FAT3: variants seen among roughly 807,000 people sequenced by gnomAD.
FAT3 encodes protocadherin Fat 3.
FAT3 carries 95 observed loss-of-function variants against 310.2 expected under a neutral mutation model. The observed-to-expected ratio is 0.31, with a 90% CI of 0.26 to 0.36. FAT3 has a LOEUF of 0.36. Ranked by LOEUF, FAT3 falls within the 10% of genes least tolerant of loss-of-function variation. The pLI, the probability that FAT3 is intolerant of heterozygous loss-of-function variation, is 1.00. For missense variants in FAT3, 5,408 were observed against 5,715.6 expected (o/e 0.95, Z 1.74); for synonymous variants, 2,314 against 2,192.9 (o/e 1.06, Z -1.54).
Position 92,355,029 on chromosome 11 carries a change from T to C in FAT3, c.2917T>C (p.Tyr973His). The change falls in exon 2 of 28, where the codon TAT (tyrosine) becomes CAT (histidine). Residue 973 changes from tyrosine (Y) to histidine (H), a missense_variant. By Grantham distance (83) the Tyr-to-His change is moderately conservative. Around this residue, in one of 5 missense-constraint regions of FAT3, gnomAD observed 4,588 missense variants for 4,809.8 expected, o/e 0.95. Coordinates refer to ENST00000525166, the MANE Select transcript of FAT3 (RefSeq NM_001367949.2). Reference sequence around the variant, plus strand: ...TCTTGGACTGGGGGGTCAAGTGCGCTATTCTTTGGTCAATGACTATAATGG... The same window carrying C: ...TCTTGGACTGGGGGGTCAAGTGCGCCATTCTTTGGTCAATGACTATAATGG... ...PDLGLGGQVRYSLVNDYNGRF... is the reference protein window; with the variant it reads ...PDLGLGGQVRHSLVNDYNGRF... 3 of 1,613,830 alleles carry C rather than the reference T, an allele frequency of 1.9e-6. No homozygotes were observed. Among genetic ancestry groups the C allele is most frequent in the Non-Finnish European group, 2.5e-6 (3 of 1,179,870 alleles).
At chr11:92,276,007 A>G (rs1423479330) in intron 1 of FAT3, among the ~76,000 whole-genome samples, 3 of 102,552 alleles carry the variant, frequency 2.9e-5, no homozygotes, top group East Asian at 2.5e-4. Flanking sequence ...AGAATCTCAT[A>G]TCTTATTAAA....
At chr11:92,346,189 G>A (rs1195200929) in intron 1 of FAT3, among the ~76,000 whole-genome samples, 4 of 152,204 alleles carry the variant, frequency 2.6e-5, no homozygotes, top group South Asian at 2.1e-4. Flanking sequence ...ATAAAGTAGC[G>A]CCATGAGAAT....
At chr11:92,830,612 TTCTA>T (rs1272684288) in intron 13 of FAT3, among the ~76,000 whole-genome samples, 33 of 152,144 alleles carry the variant, frequency 2.2e-4, no homozygotes, top group Admixed American at 2.2e-3. Context: ...CTGCAGCCTC[TTCTA>T]TCTAACTTCC....
chr11:92,288,269 A>T (rs1183787044), intron 1 of FAT3, among the ~76,000 whole-genome samples: 17 of 152,136 alleles, frequency 1.1e-4, no homozygotes, highest in Admixed American at 1.1e-3. Flanking sequence ...CAGTGACATG[A>T]TGGTTGGCAG....
intron 3 of FAT3, among the ~76,000 whole-genome samples, chr11:92,683,220 G>T (rs1267096457): frequency 1.3e-5 from 2 of 152,048 alleles, no homozygotes; most frequent in African/African-American, 2.4e-5. Flanking sequence ...TCCCATTGTT[G>T]CCCACAATGC....
At chr11:92,499,387 TTAC>T (rs1414710255) in intron 2 of FAT3, among the ~76,000 whole-genome samples, 6 of 152,092 alleles carry the variant, frequency 3.9e-5, no homozygotes, top group African/African-American at 1.4e-4. Context: ...CAACTGCCAT[TTAC>T]TATTTAAAGA....
chr11:92,267,447 T>C (rs968621944), intron 1 of FAT3, among the ~76,000 whole-genome samples: 1 of 152,060 alleles, frequency 6.6e-6, no homozygotes, highest in South Asian at 2.1e-4. Context: ...CCACAGAAGC[T>C]GGAGGTCTCC....
chr11:92,379,898 A>G (rs1949445767), intron 2 of FAT3, among the ~76,000 whole-genome samples: 1 of 152,150 alleles, frequency 6.6e-6, no homozygotes, highest in Admixed American at 6.5e-5. Context: ...CATAGTCTGG[A>G]AGACTGATAT....
intron 2 of FAT3, among the ~76,000 whole-genome samples, chr11:92,496,010 C>T (rs1952746989): frequency 6.6e-6 from 1 of 152,014 alleles, no homozygotes; most frequent in Non-Finnish European, 1.5e-5. Context: ...TAGTGTTGAT[C>T]CATCCAAAAG....
intron 2 of FAT3, among the ~76,000 whole-genome samples, chr11:92,508,248 T>G (rs1054693785): frequency 3.3e-5 from 5 of 152,116 alleles, no homozygotes; most frequent in Non-Finnish European, 7.4e-5. Context: ...GCAGTTATCT[T>G]TGCAACCCCA....
intron 1 of FAT3, among the ~76,000 whole-genome samples, chr11:92,231,062 T>G (rs1478382102): frequency 3.3e-5 from 5 of 152,198 alleles, no homozygotes; most frequent in African/African-American, 1.2e-4. Flanking sequence ...TTGAGAAGAC[T>G]TCAGAATTTA....
At chr11:92,427,484 A>G (rs1468699406) in intron 2 of FAT3, among the ~76,000 whole-genome samples, 1 of 152,180 alleles carries the variant, frequency 6.6e-6, no homozygotes, top group African/African-American at 2.4e-5. Flanking sequence ...TCGCCCATTC[A>G]GTATGATATT....
intron 3 of FAT3, among the ~76,000 whole-genome samples, chr11:92,616,252 G>A (rs2135645085): frequency 6.6e-6 from 1 of 152,116 alleles, no homozygotes; most frequent in South Asian, 2.1e-4. Context: ...TGTCTCTTTT[G>A]ATCTTTGTTG....
intron 2 of FAT3, among the ~76,000 whole-genome samples, chr11:92,445,611 A>G (rs1951190234): frequency 6.6e-6 from 1 of 152,130 alleles, no homozygotes; most frequent in South Asian, 2.1e-4. Context: ...CCTATGAGTG[A>G]TTCTAATGGT....
At chr11:92,788,921 A>G (rs1431501761) in intron 7 of FAT3, among the ~76,000 whole-genome samples, 1 of 152,212 alleles carries the variant, frequency 6.6e-6, no homozygotes, top group Non-Finnish European at 1.5e-5. Context: ...AAATTAAAAT[A>G]TAATTAACCC....
intron 25 of FAT3, 29 bp downstream of exon 25, chr11:92,887,142 G>A (rs777058118): frequency 4.5e-5 from 71 of 1,571,100 alleles, no homozygotes; most frequent in Non-Finnish European, 4.9e-5. Context: ...TGTTCGGAGC[G>A]GGTGGGTTCT....
At chr11:92,242,376 A>G (rs1864701023) in intron 1 of FAT3, among the ~76,000 whole-genome samples, 1 of 152,068 alleles carries the variant, frequency 6.6e-6, no homozygotes, top group East Asian at 1.9e-4. Context: ...AGGACAACAG[A>G]AAACTACTAG....
intron 3 of FAT3, among the ~76,000 whole-genome samples, chr11:92,655,576 T>C (rs1464172632): frequency 6.6e-6 from 1 of 152,190 alleles, no homozygotes; most frequent in East Asian, 1.9e-4. Flanking sequence ...ATATTTCTTT[T>C]CTCATCATCC....
intron 1 of FAT3, among the ~76,000 whole-genome samples, chr11:92,280,265 TTATAGCAGCTATGAACATTGGG>T: frequency 6.6e-6 from 1 of 152,288 alleles, no homozygotes; most frequent in East Asian, 1.9e-4. Context: ...AAGCCTGTTC[TTATAGCAGCTATGAACATTGGG>T]TATAGGAAAG....
Sources: allele counts gnomAD v4.1 joint callset (sites outside exome capture counted in the v4.1 genomes callset), GRCh38; gene constraint gnomAD v4.1.1; regional missense constraint gnomAD v4.1.1; transcripts MANE v1.5; gene names NCBI Gene and HGNC (gene_info 2026-07-23, HGNC 2026-07-21).